Variants in PCDHGA8 observed in about 807,000 individuals in gnomAD.
PCDHGA8 encodes protocadherin gamma subfamily A, 8.
Under a neutral mutation model 59.2 loss-of-function variants are expected in PCDHGA8, and 45 were observed. The observed-to-expected ratio is 0.76, with a 90% confidence interval of 0.60 to 0.98. The LOEUF is 0.98. PCDHGA8 is among the 50% of genes least tolerant of loss of function. The pLI is 0.00. For synonymous variants in PCDHGA8, 531 were observed against 519.0 expected (o/e 1.02, Z -0.32); for missense variants, 1,257 against 1,196.2 (o/e 1.05, Z -0.75).
Position 141,394,764 on chromosome 5 carries a change from C to T in PCDHGA8, c.1951C>T (p.Gln651Ter). 3 of 1,613,450 alleles carry T rather than the reference C, an allele frequency of 1.9e-6. No homozygotes were observed. The highest frequency in any genetic ancestry group is 1.6e-4 in the Middle Eastern group (1 of 6,062). ...SLVVAVQDHGQPPLSATVTLT... is the reference protein window; with the variant it reads ...SLVVAVQDHG ...CGTGGTGGCCGTCCAGGACCATGGC[C>T]AGCCCCCTCTCTCCGCCACTGTCAC... is the stretch of plus-strand genomic sequence containing the variant. The change falls in exon 1 of 4, where the codon CAG becomes TAG. Residue 651 changes from glutamine (Q) to a stop codon, truncating the protein, a stop_gained. Transcript: ENST00000398604. LOFTEE classifies it high-confidence loss of function.
rs754953894 is a variant in PCDHGA8 at position 141,409,856 on chromosome 5, G to T, written c.2424+14619G>T. 4.0e-5 allele frequency: 64 copies of T among 1,612,232 alleles called. No individual in the cohort carries two copies. Among genetic ancestry groups the T allele is most frequent in the Non-Finnish European group, 5.3e-5 (62 of 1,179,390 alleles). On this transcript the variant is annotated intron_variant, in intron 1 of 3. Coordinates refer to ENST00000398604, the MANE Select transcript of PCDHGA8 (RefSeq NM_032088.2). ...CGCCAACGTGAGCCTGCGCGTGTTG[G>T]TGGGAGACCGCAATGACAACGCACC... is the stretch of plus-strand genomic sequence containing the variant.
At chr5:141,496,076 C>A (rs2099765713) in intron 2 of PCDHGA8, among the ~76,000 whole-genome samples, 1 of 152,010 alleles carries the variant, frequency 6.6e-6, no homozygotes, top group Non-Finnish European at 1.5e-5. Context: ...GCACACACAA[C>A]CCCCCACCCA....
intron 1 of PCDHGA8, among the ~76,000 whole-genome samples, chr5:141,461,733 C>G (rs930217307): frequency 2.0e-5 from 3 of 152,168 alleles, no homozygotes; most frequent in African/African-American, 2.4e-5. Context: ...TGCAGTGGCA[C>G]AATCCCGGCT....
At chr5:141,429,378 T>G (rs890583768) in intron 1 of PCDHGA8, among the ~76,000 whole-genome samples, 3 of 105,336 alleles carry the variant, frequency 2.8e-5, no homozygotes, top group African/African-American at 5.2e-5. Flanking sequence ...AGAAAATGTG[T>G]TTTTTTTTTA....
chr5:141,426,363 C>T (rs994657779), intron 1 of PCDHGA8: 12 of 202,404 alleles, frequency 5.9e-5, no homozygotes, highest in East Asian at 4.4e-4. Context: ...CTTTGTTCTG[C>T]GGGGCACCCT....
intron 1 of PCDHGA8, among the ~76,000 whole-genome samples, chr5:141,450,485 T>A (rs1382219564): frequency 6.6e-6 from 1 of 152,160 alleles, no homozygotes; most frequent in Non-Finnish European, 1.5e-5. Flanking sequence ...GTTTGTTTGT[T>A]TGTCTGTTTG....
chr5:141,485,067 C>G lies in PCDHGA8; in HGVS notation c.2425-9740C>G, dbSNP rs944494894. On this transcript the variant is annotated intron_variant, in intron 1 of 3. Transcript: ENST00000398604. This position sits in a 1 kb window ranked among gnomAD's most constrained non-coding sequence, Gnocchi z 5.7. Reference sequence around the variant, plus strand: ...CGGCGCCGGCCGAACCGCGCCAGAGCTGGCGCGGGGAAAGGGAGATAGGTG... The same window carrying G: ...CGGCGCCGGCCGAACCGCGCCAGAGGTGGCGCGGGGAAAGGGAGATAGGTG... 21 of 894,418 alleles carry G rather than the reference C, an allele frequency of 2.3e-5. No individual in the cohort carries two copies. The highest frequency in any genetic ancestry group is 1.8e-4 in the Admixed American group (8 of 43,320). 55.4% of individuals were successfully genotyped at this position (894,418 alleles called of 1,614,324 possible). A position where few individuals can be genotyped will look rare whatever the true frequency, so the allele number is the denominator to read the frequency against.
At chr5:141,406,649 G>A (rs1447190497) in intron 1 of PCDHGA8, among the ~76,000 whole-genome samples, 2 of 152,098 alleles carry the variant, frequency 1.3e-5, no homozygotes, top group African/African-American at 2.4e-5. Flanking sequence ...ATTTCCTAAT[G>A]CTTTAATGTT....
intron 1 of PCDHGA8, chr5:141,420,142 G>T: frequency 4.3e-6 from 7 of 1,614,004 alleles, no homozygotes; most frequent in Non-Finnish European, 5.9e-6. Flanking sequence ...GGGATCAAAT[G>T]AATCCAGAAT....
chr5:141,465,918 C>T lies in PCDHGA8; in HGVS notation c.2425-28889C>T, dbSNP rs34980831. On this transcript the variant is annotated intron_variant, in intron 1 of 3. Transcript: ENST00000398604. ...CGGGCAAATCACGAGGTCAGGATTT[C>T]GAGTCCATCCTGGCTAACATGGTGA... 2.0e-3 allele frequency among the ~76,000 whole-genome samples: 307 copies of T among 152,144 alleles called. 1 individual carries two copies. Among genetic ancestry groups the T allele is most frequent in the Middle Eastern group, 0.01 (3 of 294 alleles).
intron 2 of PCDHGA8, among the ~76,000 whole-genome samples, chr5:141,499,326 C>T (rs1465474737): frequency 6.6e-6 from 1 of 152,156 alleles, no homozygotes. Context: ...TATCCCTGCT[C>T]TCTCTCAGTT....
chr5:141,511,711 T>G lies in PCDHGA8; in HGVS notation c.*538T>G. 1 of 185,916 alleles carries G rather than the reference T, an allele frequency of 5.4e-6. No individual in the cohort carries two copies. Among genetic ancestry groups the G allele is most frequent in the South Asian group, 1.1e-4 (1 of 8,818 alleles). The allele number at this position is 185,916 out of a possible 1,614,324, so 11.5% of individuals were successfully genotyped here. A position where few individuals can be genotyped will look rare whatever the true frequency, so the allele number is the denominator to read the frequency against. Reference sequence around the variant, plus strand: ...GTTTGGTGCCAGCCCCTTCACCTCCTTCCAGAGCCCAAGATCAATGCTCAA... The same window carrying G: ...GTTTGGTGCCAGCCCCTTCACCTCCGTCCAGAGCCCAAGATCAATGCTCAA... On this transcript the variant is annotated 3_prime_UTR_variant, in exon 4 of 4. Transcript: ENST00000398604.
rs778246278 is a variant in PCDHGA8 at position 141,491,522 on chromosome 5, A to C, written c.2425-3285A>C. The C allele has an allele frequency of 6.2e-6, 10 of 1,614,024 alleles. No individual in the cohort carries two copies. The highest frequency in any genetic ancestry group is 8.5e-6 in the Non-Finnish European group (10 of 1,180,002). ...TCGGACGGCACGCTCAAGTACATGGAGGTGACGCTGCGGCCCACAGACTCG... is the reference window on the plus strand; with the variant it reads ...TCGGACGGCACGCTCAAGTACATGGCGGTGACGCTGCGGCCCACAGACTCG... On this transcript the variant is annotated intron_variant, in intron 1 of 3. Coordinates refer to ENST00000398604, the MANE Select transcript of PCDHGA8 (RefSeq NM_032088.2). The surrounding 1 kb of genome is among the most constrained non-coding windows in gnomAD (Gnocchi z 6.9).
intron 1 of PCDHGA8, among the ~76,000 whole-genome samples, chr5:141,482,633 G>T (rs1218163238): frequency 2.0e-5 from 3 of 151,784 alleles, no homozygotes; most frequent in Non-Finnish European, 2.9e-5. Flanking sequence ...AGGAAGAAAT[G>T]ATAGAGGTGG....
chr5:141,394,129 C>T lies in PCDHGA8; in HGVS notation c.1316C>T (p.Ala439Val). Residue 439 changes from alanine to valine, a missense_variant, in exon 1 of 4, where the codon GCT becomes GTT. By Grantham distance (64) the Ala-to-Val change is moderately conservative (BLOSUM62 0). Coordinates refer to ENST00000398604, the MANE Select transcript of PCDHGA8 (RefSeq NM_032088.2). ...TPPLSTETQIALHVADINDNP... is the reference protein window; with the variant it reads ...TPPLSTETQIVLHVADINDNP... ...CCTCTGTCCACTGAAACTCAAATCG[C>T]TCTGCACGTGGCAGACATTAACGAC... 3.7e-6 allele frequency: 6 copies of T among 1,613,968 alleles called. No individual in the cohort carries two copies. Among genetic ancestry groups the T allele is most frequent in the Non-Finnish European group, 5.1e-6 (6 of 1,179,868 alleles).
Position 141,454,796 on chromosome 5 carries a change from A to ATTTTTTTTTTTTT in PCDHGA8, c.2425-39994_2425-39982dup, listed in dbSNP as rs61612330. On this transcript the variant is annotated intron_variant, in intron 1 of 3. Coordinates refer to ENST00000398604, the MANE Select transcript of PCDHGA8 (RefSeq NM_032088.2). ...AAGGAAATAATCCTCCATGGTTCTAATTTTTTTTTTTTTTTTTTTTTTTTT... is the reference window on the plus strand; with the variant it reads ...AAGGAAATAATCCTCCATGGTTCTAATTTTTTTTTTTTTTTTTTTTTTTTTTTTTTTTTTTTTT... Among the ~76,000 whole-genome samples the ATTTTTTTTTTTTT allele has an allele frequency of 1.7e-3, 135 of 77,462 alleles. 8 individuals carry two copies. The highest frequency in any genetic ancestry group is 2.5e-3 in the Admixed American group (14 of 5,554). The allele number at this position is 77,462 out of a possible 152,430, so 50.8% of individuals were successfully genotyped here.
chr5:141,509,516 T>C (rs2099877144), intron 3 of PCDHGA8, among the ~76,000 whole-genome samples: 1 of 152,130 alleles, frequency 6.6e-6, no homozygotes, highest in Non-Finnish European at 1.5e-5. Context: ...GTGTTGATGA[T>C]GTATTGCACA....
intron 2 of PCDHGA8, among the ~76,000 whole-genome samples, chr5:141,499,256 A>G (rs371266271): frequency 6.6e-6 from 1 of 151,968 alleles, no homozygotes; most frequent in Non-Finnish European, 1.5e-5. Context: ...AAGAGTCTCC[A>G]TTTGGTCCCT....
chr5:141,427,528 A>G (rs1360860476), intron 1 of PCDHGA8: 1 of 617,748 alleles, frequency 1.6e-6, no homozygotes, highest in Non-Finnish European at 3.0e-6. Context: ...CGGATCCCGG[A>G]GTACAACGTC....
Sources: allele counts gnomAD v4.1 joint callset (sites outside exome capture counted in the v4.1 genomes callset), GRCh38; gene constraint gnomAD v4.1.1; non-coding constraint Gnocchi (gnomAD v3.1); transcripts MANE v1.5; gene names NCBI Gene and HGNC (gene_info 2026-07-23, HGNC 2026-07-21).